Variants in CHD8 observed in about 807,000 individuals in gnomAD.
CHD8 encodes ATP-dependent chromatin remodeler CHD8.
CHD8 carries 31 observed loss-of-function variants against 279.2 expected under a neutral mutation model. The observed-to-expected ratio is 0.11, with a 90% confidence interval of 0.08 to 0.15. CHD8 has a LOEUF of 0.15. Among genes scored for constraint, CHD8 ranks in the 10% least tolerant of loss-of-function variants. The pLI is 1.00. For missense variants in CHD8, 2,146 were observed against 3,230.5 expected (o/e 0.66, Z 8.14); for synonymous variants, 1,081 against 1,139.6 (o/e 0.95, Z 1.04).
intron 1 of CHD8, among the ~76,000 whole-genome samples, chr14:21,441,650 A>G (rs1889966372): frequency 1.3e-5 from 2 of 151,790 alleles, no homozygotes; most frequent in Admixed American, 6.6e-5. Flanking sequence ...GCACTTTGGG[A>G]GGCCAAGGCG....
Position 21,395,902 on chromosome 14 carries a change from T to C in CHD8, c.5052-10A>G. Reference sequence around the variant, plus strand: ...TTTATCAAAGTCAACCCTAAAATTATGGAGAGGCACAAGAAAATGTTAATA... The same window carrying C: ...TTTATCAAAGTCAACCCTAAAATTACGGAGAGGCACAAGAAAATGTTAATA... On this transcript the variant is annotated splice_polypyrimidine_tract_variant and intron_variant, in intron 27 of 37. Coordinates refer to ENST00000646647, the MANE Select transcript of CHD8 (RefSeq NM_001170629.2). The C allele has an allele frequency of 1.9e-6, 3 of 1,589,758 alleles. No individual in the cohort carries two copies. Among genetic ancestry groups the C allele is most frequent in the Non-Finnish European group, 1.7e-6 (2 of 1,158,684 alleles).
intron 10 of CHD8, among the ~76,000 whole-genome samples, chr14:21,412,701 C>A (rs1888555150): frequency 1.3e-5 from 2 of 152,144 alleles, no homozygotes; most frequent in Non-Finnish European, 2.9e-5. Flanking sequence ...TACTTAGCCT[C>A]TACATGTCTG....
In CHD8 at chr14:21,400,376, C is replaced by T. The variant is rs1302151671; in HGVS notation, c.4570+37G>A. 31 of 1,599,008 alleles carry T rather than the reference C, an allele frequency of 1.9e-5. No individual in the cohort carries two copies. The highest frequency in any genetic ancestry group is 2.6e-5 in the Non-Finnish European group (31 of 1,175,308). ...TTGGACCTGAAAAGGATTAGATTAACCTATAGAAAAACATAAAGTAAAGAG... is the reference window on the plus strand; with the variant it reads ...TTGGACCTGAAAAGGATTAGATTAATCTATAGAAAAACATAAAGTAAAGAG... On this transcript the variant is annotated intron_variant, in intron 23 of 37. Transcript: ENST00000646647. This position sits in a 1 kb window ranked among gnomAD's most constrained non-coding sequence, Gnocchi z 4.2.
rs1357906328 is a variant in CHD8, at chr14:21,405,382, T to C, written c.3134A>G (p.Gln1045Arg). ...EDVEKNLAPK[Q>R]ETIIEVELTN... ...CAGCTCTACTTCAATAATTGTTTCCTGTTTGGGTGCCAAGTTTTTTTCAAC... is the reference window on the plus strand; with the variant it reads ...CAGCTCTACTTCAATAATTGTTTCCCGTTTGGGTGCCAAGTTTTTTTCAAC... Residue 1045 changes from glutamine (Q) to arginine (R), a missense_variant, in exon 16 of 38, where the codon CAG becomes CGG. By Grantham distance (43) the Gln-to-Arg change is conservative. This residue lies in a region of CHD8 where 211 missense variants were observed against 464.7 expected (regional missense o/e 0.45). Coordinates refer to ENST00000646647, the MANE Select transcript of CHD8 (RefSeq NM_001170629.2). The surrounding 1 kb of genome is among the most constrained non-coding windows in gnomAD (Gnocchi z 4.2). The C allele has an allele frequency of 6.2e-7, 1 of 1,600,420 alleles. No homozygotes were observed. Among genetic ancestry groups the C allele is most frequent in the South Asian group, 1.1e-5 (1 of 89,286 alleles).
intron 21 of CHD8, 49 bp from the exon 22 acceptor site, chr14:21,401,120 G>A (rs1297232480): frequency 7.3e-7 from 1 of 1,375,998 alleles, no homozygotes; most frequent in Non-Finnish European, 9.9e-7. Flanking sequence ...ATTTGCTCAT[G>A]GGAAAAGAAT....
At position 21,402,982 on chromosome 14, in the gene CHD8, A is replaced by G; in HGVS notation, c.3714+35T>C. ...TTCTTGTTGAAAAATCTCCCAAGTT[A>G]GGTAGTTAGTCCCTAAGACAATGAA... On this transcript the variant is annotated intron_variant, in intron 18 of 37. Coordinates refer to ENST00000646647, the MANE Select transcript of CHD8 (RefSeq NM_001170629.2). This position sits in a 1 kb window ranked among gnomAD's most constrained non-coding sequence, Gnocchi z 4.5. The G allele has an allele frequency of 1.3e-6, 2 of 1,522,672 alleles. No individual in the cohort carries two copies. Among genetic ancestry groups the G allele is most frequent in the Non-Finnish European group, 1.8e-6 (2 of 1,108,724 alleles). The allele number at this position is 1,522,672 out of a possible 1,614,324, so 94.3% of individuals were successfully genotyped here.
rs772378783 is a variant in CHD8 at position 21,403,548 on chromosome 14, C to T, written c.3423G>A (p.Leu1141=). 2 of 1,613,592 alleles carry T rather than the reference C, an allele frequency of 1.2e-6. No individual in the cohort carries two copies. Among genetic ancestry groups the T allele is most frequent in the Non-Finnish European group, 1.7e-6 (2 of 1,179,702 alleles). Residue 1141 remains leucine (L), a synonymous_variant, in exon 17 of 38, where the codon TTG becomes TTA. Coordinates refer to ENST00000646647, the MANE Select transcript of CHD8 (RefSeq NM_001170629.2). The surrounding 1 kb of genome is among the most constrained non-coding windows in gnomAD (Gnocchi z 4.3). ...SAGKLVLIDK[L]LPKLKAGGHK... The stretch of plus-strand genomic sequence containing the variant: ...GGCCACCAGCTTTAAGCTTTGGAAG[C>T]AACTTGTCAATAAGAACCAGTTTGC...
rs183730418 is a variant in CHD8 at position 21,452,761 on chromosome 14, C to T, written c.-216+3271G>A. 5.9e-3 allele frequency among the ~76,000 whole-genome samples: 883 copies of T among 150,772 alleles called. 6 individuals are homozygous for T. The highest frequency in any genetic ancestry group is 0.02 in the African/African-American group (824 of 41,026). On this transcript the variant is annotated intron_variant, in intron 1 of 37. Coordinates refer to ENST00000646647, the MANE Select transcript of CHD8 (RefSeq NM_001170629.2). Reference sequence around the variant, plus strand: ...AGCGATTTGGGTGGCCGAGACAGGCCGATCATGAGGTCAGGAGTTAAAGAC... The same window carrying T: ...AGCGATTTGGGTGGCCGAGACAGGCTGATCATGAGGTCAGGAGTTAAAGAC...
chr14:21,417,910 C>T (rs1054125835), intron 5 of CHD8, among the ~76,000 whole-genome samples: 8 of 145,468 alleles, frequency 5.5e-5, no homozygotes, highest in African/African-American at 2.0e-4. Flanking sequence ...CACACACACA[C>T]ATATACACAT....
At chr14:21,423,536 G>C (rs1399838869) in intron 5 of CHD8, among the ~76,000 whole-genome samples, 1 of 151,662 alleles carries the variant, frequency 6.6e-6, no homozygotes, top group African/African-American at 2.4e-5. Context: ...TTTTTTGGCG[G>C]GGGGAGTCAG....
intron 5 of CHD8, among the ~76,000 whole-genome samples, chr14:21,424,673 G>A (rs554483279): frequency 4.6e-5 from 7 of 152,132 alleles, no homozygotes; most frequent in African/African-American, 1.2e-4. Flanking sequence ...GGGTTTCACC[G>A]TGTTAGCCAG....
At chr14:21,441,843 T>C (rs1046707219) in intron 1 of CHD8, among the ~76,000 whole-genome samples, 27 of 151,998 alleles carry the variant, frequency 1.8e-4, no homozygotes, top group South Asian at 4.2e-4. Context: ...GAGCCAAGAT[T>C]GCGCCACTGC....
intron 27 of CHD8, chr14:21,397,111 T>G: frequency 4.7e-6 from 1 of 213,718 alleles, no homozygotes; most frequent in Admixed American, 5.1e-5. Context: ...GGTTCACGCT[T>G]TTTTGTTTTT....
Position 21,405,970 on chromosome 14 carries a change from T to A in CHD8, c.2908-106A>T, listed in dbSNP as rs1888237425. 2 of 839,234 alleles carry A rather than the reference T, an allele frequency of 2.4e-6. No individual in the cohort carries two copies. Among genetic ancestry groups the A allele is most frequent in the East Asian group, 2.9e-5 (1 of 35,028 alleles). 52.0% of individuals were successfully genotyped at this position (839,234 alleles called of 1,614,324 possible). On this transcript the variant is annotated intron_variant, in intron 14 of 37. Coordinates refer to ENST00000646647, the MANE Select transcript of CHD8 (RefSeq NM_001170629.2). This position sits in a 1 kb window ranked among gnomAD's most constrained non-coding sequence, Gnocchi z 4.2. ...ACATATATAACCTTTAATTTCTTTA[T>A]CTATAAAATGATGAGAATGGACCAG...
At chr14:21,424,526 A>G (rs1258173453) in intron 5 of CHD8, among the ~76,000 whole-genome samples, 1 of 151,840 alleles carries the variant, frequency 6.6e-6, no homozygotes, top group African/African-American at 2.4e-5. Context: ...GCTGGAGTGC[A>G]GTGGCGCAAT....
intron 1 of CHD8, among the ~76,000 whole-genome samples, chr14:21,449,936 CA>C (rs1411037154): frequency 2.6e-5 from 4 of 152,108 alleles, no homozygotes; most frequent in Non-Finnish European, 5.9e-5. Context: ...CAGGCGAAAG[CA>C]CTAAATTTTA....
intron 26 of CHD8, chr14:21,399,228 A>C: frequency 3.3e-6 from 1 of 302,176 alleles, no homozygotes; most frequent in Non-Finnish European, 6.6e-6. Context: ...TTGTTATGCT[A>C]GTGCACATCC....
intron 33 of CHD8, 53 bp downstream of exon 33, chr14:21,393,053 T>A (rs1433679728): frequency 6.4e-7 from 1 of 1,572,588 alleles, no homozygotes; most frequent in East Asian, 2.2e-5. Context: ...CCGGATATAC[T>A]GTTACACTGT....
rs765710067 is a variant in CHD8 at position 21,400,123 on chromosome 14, G to C, written c.4727+28C>G. ...CAGTAACACTGTAGAAGTTTGAGGT[G>C]GAAAATGTCTGCTAATTCTATGCTT... On this transcript the variant is annotated intron_variant, in intron 24 of 37. Transcript: ENST00000646647. The surrounding 1 kb of genome is among the most constrained non-coding windows in gnomAD (Gnocchi z 4.2). The C allele has an allele frequency of 6.2e-7, 1 of 1,613,602 alleles. No individual in the cohort carries two copies. The highest frequency in any genetic ancestry group is 1.7e-5 in the Admixed American group (1 of 60,004).
Sources: allele counts gnomAD v4.1 joint callset (sites outside exome capture counted in the v4.1 genomes callset), GRCh38; gene constraint gnomAD v4.1.1; regional missense constraint gnomAD v4.1.1; non-coding constraint Gnocchi (gnomAD v3.1); transcripts MANE v1.5; gene names NCBI Gene and HGNC (gene_info 2026-07-23, HGNC 2026-07-21).